Variants in TMEM184C observed in about 807,000 individuals in gnomAD.
The protein encoded by TMEM184C is transmembrane protein 184C.
In TMEM184C, 25 loss-of-function variants were observed where a neutral mutation model predicts 54.5. That is an observed-to-expected ratio of 0.46 (90% CI 0.33 to 0.64). The LOEUF (loss-of-function observed/expected upper bound fraction) is 0.64, where lower values mean the gene tolerates loss of function less well. TMEM184C is among the 30% of genes least tolerant of loss of function. TMEM184C has a pLI of 0.02. For synonymous variants in TMEM184C, 148 were observed against 181.5 expected (o/e 0.82, Z 1.49); for missense variants, 335 against 520.3 (o/e 0.64, Z 3.46).
At chr4:147,622,876 C>T (rs996558345) in intron 1 of TMEM184C, among the ~76,000 whole-genome samples, 27 of 152,082 alleles carry the variant, frequency 1.8e-4, no homozygotes, top group African/African-American at 6.0e-4. Context: ...AGATCTCCCA[C>T]CTCAGTCTTC....
intron 1 of TMEM184C, among the ~76,000 whole-genome samples, chr4:147,623,610 TC>T (rs1578857989): frequency 6.8e-6 from 1 of 147,172 alleles, no homozygotes; most frequent in East Asian, 2.0e-4. Flanking sequence ...AATATAAAAG[TC>T]CCCCCTCCCC....
intron 6 of TMEM184C, among the ~76,000 whole-genome samples, chr4:147,630,521 A>C (rs1485565928): frequency 5.3e-5 from 8 of 152,072 alleles, no homozygotes; most frequent in Admixed American, 4.6e-4. Flanking sequence ...TCCAAAACCC[A>C]ATGTTAGGGA....
chr4:147,628,461 T>C (rs1348296964), intron 5 of TMEM184C, 26 bp downstream of exon 5: 2 of 1,549,856 alleles, frequency 1.3e-6, no homozygotes, highest in African/African-American at 2.7e-5. Flanking sequence ...TTATATGAAC[T>C]TTTTTTTTCA....
In TMEM184C at chr4:147,634,478, T is replaced by G. The variant is rs1732976868; in HGVS notation, c.*44T>G. On this transcript the variant is annotated 3_prime_UTR_variant, in exon 10 of 10. Transcript: ENST00000296582. ...CTGTGCAACTACTACATTATATCAT[T>G]ACCTGGTATCCCATGGATTTTGTGC... 6.3e-7 allele frequency: 1 copy of G among 1,585,238 alleles called. No homozygotes were observed. The highest frequency in any genetic ancestry group is 8.6e-7 in the Non-Finnish European group (1 of 1,164,446).
chr4:147,628,089 G>C (rs989777450), intron 4 of TMEM184C, among the ~76,000 whole-genome samples: 1 of 152,220 alleles, frequency 6.6e-6, no homozygotes, highest in Non-Finnish European at 1.5e-5. Context: ...AGCACAGAAG[G>C]TCAAGGCTGC....
chr4:147,629,041 C>G (rs1732863722), intron 5 of TMEM184C, among the ~76,000 whole-genome samples: 1 of 152,116 alleles, frequency 6.6e-6, no homozygotes, highest in African/African-American at 2.4e-5. Flanking sequence ...ATTCTTTATT[C>G]TGCCTTTGAG....
intron 1 of TMEM184C, among the ~76,000 whole-genome samples, chr4:147,621,484 CA>C (rs1222290572): frequency 3.3e-5 from 5 of 152,096 alleles, no homozygotes; most frequent in African/African-American, 7.2e-5. Context: ...CAATGTGTCT[CA>C]AATTTGAATA....
chr4:147,633,981 A>C (rs1277244186), intron 9 of TMEM184C, 45 bp downstream of exon 9: 1 of 1,577,206 alleles, frequency 6.3e-7, no homozygotes, highest in Non-Finnish European at 8.6e-7. Flanking sequence ...TGGGTAGGAT[A>C]TTGAATTTCT....
At position 147,635,691 on chromosome 4, in the gene TMEM184C, T is replaced by C. The variant is rs1181793106; in HGVS notation, c.*1257T>C. On this transcript the variant is annotated 3_prime_UTR_variant, in exon 10 of 10. Transcript: ENST00000296582. The stretch of plus-strand genomic sequence containing the variant: ...AAAGTCTTTATTCCATCCACTATTA[T>C]AAACATTTCTATTAAAACTAAAACT... 6.6e-6 allele frequency: 1 copy of C among 152,120 alleles called. No individual in the cohort carries two copies. The highest frequency in any genetic ancestry group is 1.5e-5 in the Non-Finnish European group (1 of 68,006). The allele number at this position is 152,120 out of a possible 1,614,324, so 9.4% of individuals were successfully genotyped here.
Position 147,628,394 on chromosome 4 carries a change from A to G in TMEM184C, c.531A>G (p.Leu177=). 6.2e-7 allele frequency: 1 copy of G among 1,613,832 alleles called. No homozygotes were observed. The highest frequency in any genetic ancestry group is 8.5e-7 in the Non-Finnish European group (1 of 1,179,900). ...TGTTTAGGTGCAAACTAGGTGTATT[A>G]CAGTACACAGTTGTCAGACCTTTCA... ...VLLFRCKLGV[L]QYTVVRPFTT... The change falls in exon 5 of 10, where the codon TTA becomes TTG. Residue 177 remains leucine, a synonymous_variant. Transcript: ENST00000296582.
chr4:147,627,251 A>C (rs1347386532), intron 4 of TMEM184C, among the ~76,000 whole-genome samples: 1 of 152,108 alleles, frequency 6.6e-6, no homozygotes, highest in African/African-American at 2.4e-5. Context: ...CATTTATAGG[A>C]TATTATGCAG....
chr4:147,623,483 C>A (rs1732751527), intron 1 of TMEM184C, among the ~76,000 whole-genome samples: 1 of 150,644 alleles, frequency 6.6e-6, no homozygotes, highest in Non-Finnish European at 1.5e-5. Context: ...AGGTTGTAGA[C>A]CTTAGTTCTA....
intron 8 of TMEM184C, 58 bp downstream of exon 8, chr4:147,633,060 A>G: frequency 7.6e-6 from 11 of 1,438,230 alleles, no homozygotes; most frequent in Non-Finnish European, 1.1e-5. Context: ...GCATTTTTAC[A>G]TATCTCCACT....
chr4:147,623,685 C>T (rs1732758254), intron 1 of TMEM184C, 149 bp from the exon 2 acceptor site: 2 of 644,842 alleles, frequency 3.1e-6, no homozygotes, highest in African/African-American at 1.9e-5. Flanking sequence ...CTTTGTAGGC[C>T]CAGGCTGGTT....
At chr4:147,619,037 T>C (rs1732653411) in intron 1 of TMEM184C, among the ~76,000 whole-genome samples, 1 of 151,318 alleles carries the variant, frequency 6.6e-6, no homozygotes, top group African/African-American at 2.4e-5. Context: ...GCCCGGCTAA[T>C]TTTGTATTTT....
In TMEM184C at chr4:147,622,764, GTT is replaced by G. The variant is rs1275660233; in HGVS notation, c.124-1068_124-1067del. On this transcript the variant is annotated intron_variant, in intron 1 of 9. Coordinates refer to ENST00000296582, the MANE Select transcript of TMEM184C (RefSeq NM_018241.3). The stretch of plus-strand genomic sequence containing the variant: ...CAGTAAGACTTTGTATTAGCTTTTG[GTT>G]TGTTTTTGTTTTTGAGACAGGGTCT... Among the ~76,000 whole-genome samples the G allele has an allele frequency of 2.6e-5, 4 of 152,054 alleles. No individual in the cohort carries two copies. The East Asian group carries it at 7.8e-4, about 29-fold the overall frequency.
chr4:147,625,850 G>A (rs1227344975), intron 4 of TMEM184C, among the ~76,000 whole-genome samples: 2 of 152,180 alleles, frequency 1.3e-5, no homozygotes, highest in African/African-American at 2.4e-5. Context: ...AATTCAGACA[G>A]AGCCAGCTGT....
chr4:147,626,994 T>TA (rs1432509810), intron 4 of TMEM184C, among the ~76,000 whole-genome samples: 2 of 152,222 alleles, frequency 1.3e-5, no homozygotes, highest in Admixed American at 6.5e-5. Flanking sequence ...GGATTCTCAC[T>TA]AAACTGAACA....
Position 147,617,590 on chromosome 4 carries a change from C to T in TMEM184C, c.-367C>T. 1 of 227,772 alleles carries T rather than the reference C, an allele frequency of 4.4e-6. No individual in the cohort carries two copies. Among genetic ancestry groups the T allele is most frequent in the East Asian group, 8.3e-5 (1 of 11,980 alleles). 14.1% of individuals were successfully genotyped at this position (227,772 alleles called of 1,614,324 possible). ...CCGGAGTGTGCAGGGTCCCTAGAGGCCGGTTCCTGGTCTGTGCTGCTCTCC... is the reference window on the plus strand; with the variant it reads ...CCGGAGTGTGCAGGGTCCCTAGAGGTCGGTTCCTGGTCTGTGCTGCTCTCC... On this transcript the variant is annotated 5_prime_UTR_variant, in exon 1 of 10. Transcript: ENST00000296582.
Sources: gnomAD v4.1 joint callset for allele counts (sites outside exome capture counted in the v4.1 genomes callset) on GRCh38, gnomAD v4.1.1 for gene constraint, MANE v1.5 for transcripts, NCBI Gene and HGNC (gene_info 2026-07-23, HGNC 2026-07-21) for gene names.